Variants in ADAM32 observed in about 807,000 individuals in gnomAD.
ADAM32 encodes the protein disintegrin and metalloproteinase domain-containing protein 32.
Under a neutral mutation model 114.9 loss-of-function variants are expected in ADAM32, and 89 were observed. The observed-to-expected ratio is 0.77, with a 90% CI of 0.65 to 0.92. The LOEUF is 0.92. Ranked by LOEUF, ADAM32 falls within the 40% of genes least tolerant of loss-of-function variation. The pLI, the probability that ADAM32 is intolerant of heterozygous loss-of-function variation, is 0.00. For missense variants in ADAM32, 870 were observed against 932.8 expected, an observed-to-expected ratio of 0.93 and a Z score of 0.88; for synonymous variants, 285 against 307.5, an observed-to-expected ratio of 0.93 and a Z score of 0.77.
At chr8:39,185,804 T>C (rs1296867544) in intron 10 of ADAM32, among the ~76,000 whole-genome samples, 1 of 152,202 alleles carries the variant, frequency 6.6e-6, no homozygotes, top group Non-Finnish European at 1.5e-5. Context: ...CAAGACCATG[T>C]TGATAATTAA....
chr8:39,117,007 C>CCA (rs1840404317), intron 1 of ADAM32, among the ~76,000 whole-genome samples: 1 of 151,818 alleles, frequency 6.6e-6, no homozygotes, highest in Non-Finnish European at 1.5e-5. Flanking sequence ...CCTCAGCCTC[C>CCA]GGAGTAGCTG....
chr8:39,173,767 A>G (rs914407161), intron 10 of ADAM32, among the ~76,000 whole-genome samples: 28 of 151,466 alleles, frequency 1.8e-4, no homozygotes, highest in African/African-American at 6.3e-4. Context: ...CGTTGCCTAG[A>G]TTTTCTTCAA....
At chr8:39,193,390 C>A (rs1291292005) in intron 11 of ADAM32, among the ~76,000 whole-genome samples, 2 of 152,158 alleles carry the variant, frequency 1.3e-5, no homozygotes, top group Admixed American at 1.3e-4. Context: ...TTTTGTCTGT[C>A]AGCTCCTGTA....
At chr8:39,275,785 T>A (rs763514418) in intron 21 of ADAM32, 43 bp from the exon 22 acceptor site, 6 of 1,526,668 alleles carry the variant, frequency 3.9e-6, no homozygotes, top group Admixed American at 4.1e-5. Flanking sequence ...CACATTTGTG[T>A]TAAGTATTAA....
chr8:39,169,864 A>G, intron 9 of ADAM32, 52 bp from the exon 10 acceptor site: 1 of 1,357,372 alleles, frequency 7.4e-7, no homozygotes, highest in Non-Finnish European at 1.0e-6. Context: ...AGGAATTCTC[A>G]TTTTTAAATT....
chr8:39,250,334 TTC>T (rs1016640821), intron 17 of ADAM32, among the ~76,000 whole-genome samples: 2 of 151,874 alleles, frequency 1.3e-5, no homozygotes, highest in African/African-American at 2.4e-5. Flanking sequence ...CAGAGATCTT[TTC>T]TCATCTCAGC....
At chr8:39,149,013 T>G (rs1214001373) in intron 4 of ADAM32, among the ~76,000 whole-genome samples, 2 of 152,144 alleles carry the variant, frequency 1.3e-5, no homozygotes, top group African/African-American at 4.8e-5. Flanking sequence ...TCCATGAGTG[T>G]TTAGAAAGCA....
Position 39,151,426 on chromosome 8 carries a change from T to A in ADAM32, c.403T>A (p.Ser135Thr). ...NVSYGIEPLE[S>T]AVEFQHVLYK... ...TTCTTATGGAATTGAGCCTCTGGAA[T>A]CTGCAGTTGAATTTCAGCATGTTCT... is the stretch of plus-strand genomic sequence containing the variant. Residue 135 changes from serine (S) to threonine (T), a missense_variant, in exon 6 of 25, where the codon TCT becomes ACT. Physicochemically the swap from Ser to Thr is moderately conservative, Grantham distance 58. Transcript: ENST00000379907. 1.2e-6 allele frequency: 2 copies of A among 1,603,274 alleles called. No individual in the cohort carries two copies. Among genetic ancestry groups the A allele is most frequent in the Non-Finnish European group, 1.7e-6 (2 of 1,176,766 alleles).
intron 9 of ADAM32, chr8:39,168,932 C>T (rs375549069): frequency 1.3e-5 from 2 of 152,230 alleles, no homozygotes. Context: ...ATTAAAGTAT[C>T]TGTGGGAGGG....
At chr8:39,258,989 CT>C (rs1024598346) in intron 19 of ADAM32, among the ~76,000 whole-genome samples, 36 of 151,974 alleles carry the variant, frequency 2.4e-4, no homozygotes, top group African/African-American at 8.2e-4. Context: ...CCTGGTACAA[CT>C]TTTTTCGTTT....
At chr8:39,147,420 A>G (rs538025774) in intron 4 of ADAM32, among the ~76,000 whole-genome samples, 1 of 151,988 alleles carries the variant, frequency 6.6e-6, no homozygotes, top group South Asian at 2.1e-4. Context: ...TTTTAATTTA[A>G]TTGATATTTT....
intron 11 of ADAM32, among the ~76,000 whole-genome samples, chr8:39,198,752 C>T (rs549658308): frequency 1.5e-4 from 23 of 149,276 alleles, no homozygotes; most frequent in African/African-American, 5.7e-4. Flanking sequence ...TTTTTTTTCT[C>T]TTCTCCTTTT....
At chr8:39,242,932 T>C (rs1351050351) in intron 16 of ADAM32, among the ~76,000 whole-genome samples, 1 of 152,086 alleles carries the variant, frequency 6.6e-6, no homozygotes, top group East Asian at 1.9e-4. Flanking sequence ...TAAGCTCAAT[T>C]AGAAATGAAA....
At chr8:39,271,797 T>C (rs1392901569) in intron 20 of ADAM32, among the ~76,000 whole-genome samples, 1 of 151,620 alleles carries the variant, frequency 6.6e-6, no homozygotes, top group Admixed American at 6.6e-5. Flanking sequence ...TGAAAATGGG[T>C]AGTTAAGTGT....
At chr8:39,146,376 C>A (rs1803504204) in intron 3 of ADAM32, among the ~76,000 whole-genome samples, 1 of 151,746 alleles carries the variant, frequency 6.6e-6, no homozygotes, top group Non-Finnish European at 1.5e-5. Context: ...GAACAGAAAA[C>A]TCTTACAATC....
chr8:39,131,982 C>A, intron 2 of ADAM32: 1 of 321,086 alleles, frequency 3.1e-6, no homozygotes. Context: ...CAATCTCCGT[C>A]TCCCGGGTTC....
At chr8:39,140,413 C>T (rs899873786) in intron 3 of ADAM32, among the ~76,000 whole-genome samples, 3 of 152,012 alleles carry the variant, frequency 2.0e-5, no homozygotes, top group East Asian at 3.9e-4. Flanking sequence ...TTGAGATCAT[C>T]GTGGTTTTTA....
At chr8:39,172,157 T>C (rs971313286) in intron 10 of ADAM32, among the ~76,000 whole-genome samples, 1 of 152,148 alleles carries the variant, frequency 6.6e-6, no homozygotes, top group Admixed American at 6.5e-5. Flanking sequence ...CTGAATTTTT[T>C]TCTAACTTCT....
chr8:39,208,886 T>C (rs1285240407), intron 11 of ADAM32, among the ~76,000 whole-genome samples: 1 of 152,184 alleles, frequency 6.6e-6, no homozygotes, highest in Non-Finnish European at 1.5e-5. Flanking sequence ...TTCGGTTGAC[T>C]CTTCTTGGTG....
Sources: gnomAD v4.1 joint callset for allele counts (sites outside exome capture counted in the v4.1 genomes callset) on GRCh38, gnomAD v4.1.1 for gene constraint, MANE v1.5 for transcripts, NCBI Gene and HGNC (gene_info 2026-07-23, HGNC 2026-07-21) for gene names.